The following MEMO1 variants were observed in gnomAD, a reference collection of about 807,000 sequenced individuals.
MEMO1 encodes mediator of cell motility 1.
Under a neutral mutation model 45.2 loss-of-function variants are expected in MEMO1, and 6 were observed. The observed-to-expected ratio is 0.13, with a 90% confidence interval of 0.07 to 0.26. MEMO1 has a LOEUF of 0.26. Ranked by LOEUF, MEMO1 falls within the 10% of genes least tolerant of loss-of-function variation. MEMO1 has a pLI of 1.00. For missense variants in MEMO1, 184 were observed against 370.5 expected (o/e 0.50, Z 4.13); for synonymous variants, 78 against 124.3 (o/e 0.63, Z 2.48).
intron 2 of MEMO1, among the ~76,000 whole-genome samples, chr2:32,000,342 C>T (rs1036524057): frequency 6.6e-6 from 1 of 151,896 alleles, no homozygotes; most frequent in Admixed American, 6.6e-5. Context: ...CCACTCTTCT[C>T]GCCGCAGCCT....
chr2:31,870,704 G>A (rs1429499066), intron 8 of MEMO1, among the ~76,000 whole-genome samples: 2 of 152,108 alleles, frequency 1.3e-5, no homozygotes, highest in Non-Finnish European at 2.9e-5. Flanking sequence ...AGCCTCCTGA[G>A]TAACTGGGAT....
chr2:31,938,215 A>G (rs888929309), intron 3 of MEMO1, among the ~76,000 whole-genome samples: 4 of 152,184 alleles, frequency 2.6e-5, no homozygotes, highest in African/African-American at 7.2e-5. Context: ...ATCTATATCA[A>G]TATAAAAATG....
chr2:31,895,191 C>T (rs1449457029), intron 6 of MEMO1, among the ~76,000 whole-genome samples: 2 of 152,120 alleles, frequency 1.3e-5, no homozygotes, highest in African/African-American at 4.8e-5. Context: ...TAACATACTA[C>T]ACAAAATGTC....
chr2:31,957,153 AAAAAAAG>A (rs1377780228), intron 2 of MEMO1, among the ~76,000 whole-genome samples: 2 of 152,096 alleles, frequency 1.3e-5, no homozygotes, highest in Non-Finnish European at 2.9e-5. Flanking sequence ...AAAAAAAAAA[AAAAAAAG>A]AAATGTGTAA....
chr2:31,878,960 T>G (rs1392923910), intron 8 of MEMO1, among the ~76,000 whole-genome samples: 1 of 152,184 alleles, frequency 6.6e-6, no homozygotes, highest in Admixed American at 6.5e-5. Context: ...GATATAATCT[T>G]AAGTCAAATC....
At chr2:31,993,443 A>T (rs548165712) in intron 2 of MEMO1, among the ~76,000 whole-genome samples, 1 of 152,348 alleles carries the variant, frequency 6.6e-6, no homozygotes, top group South Asian at 2.1e-4. Context: ...TTCTGCCAGA[A>T]GACAACTTAT....
In MEMO1 at chr2:31,946,351, A is replaced by C. The variant is rs530565431; in HGVS notation, c.62-2968T>G. Among the ~76,000 whole-genome samples the C allele has an allele frequency of 7.2e-4, 110 of 152,328 alleles. 1 individual carries two copies. In the South Asian group the frequency reaches 9.9e-3, roughly 14 times the overall value. On this transcript the variant is annotated intron_variant, in intron 2 of 9. Transcript: ENST00000404530. ...TGCTACACATAAACAGGTCAAGTTT[A>C]AAATGGACAGTAAATTTGTAAATTC...
At chr2:31,903,289 C>T (rs917924371) in intron 6 of MEMO1, among the ~76,000 whole-genome samples, 3 of 152,026 alleles carry the variant, frequency 2.0e-5, no homozygotes, top group Non-Finnish European at 4.4e-5. Context: ...ACTGTAACAA[C>T]AACTACAGTT....
intron 3 of MEMO1, among the ~76,000 whole-genome samples, chr2:31,932,464 A>C (rs1250886925): frequency 6.6e-6 from 1 of 151,076 alleles, no homozygotes; most frequent in Non-Finnish European, 1.5e-5. Context: ...TTTGAGACAG[A>C]GTCTCACTTT....
chr2:31,923,340 T>C (rs1682613132), intron 4 of MEMO1, among the ~76,000 whole-genome samples: 1 of 152,164 alleles, frequency 6.6e-6, no homozygotes, highest in Admixed American at 6.6e-5. Context: ...TTAATTTAAG[T>C]TCCTTATAGA....
chr2:31,958,104 G>A (rs1404127998), intron 2 of MEMO1, among the ~76,000 whole-genome samples: 4 of 152,064 alleles, frequency 2.6e-5, no homozygotes, highest in South Asian at 4.1e-4. Context: ...ATAAAAAAAG[G>A]TAATCAGATA....
At chr2:31,900,765 T>C (rs940524598) in intron 6 of MEMO1, among the ~76,000 whole-genome samples, 1 of 152,060 alleles carries the variant, frequency 6.6e-6, no homozygotes, top group Non-Finnish European at 1.5e-5. Context: ...ACTAAATGTC[T>C]ATCAGAATGG....
chr2:31,994,224 G>C (rs898051014), intron 2 of MEMO1, among the ~76,000 whole-genome samples: 8 of 150,214 alleles, frequency 5.3e-5, no homozygotes, highest in African/African-American at 2.0e-4. Flanking sequence ...CCCTCCCAAA[G>C]TACTGGAATT....
chr2:31,929,177 CA>C (rs1299613426), intron 4 of MEMO1, among the ~76,000 whole-genome samples: 1 of 151,766 alleles, frequency 6.6e-6, no homozygotes, highest in African/African-American at 2.4e-5. Context: ...TTTTTATTTC[CA>C]TTTTTTTGAA....
chr2:31,902,204 G>T (rs1028705493), intron 6 of MEMO1, among the ~76,000 whole-genome samples: 2 of 151,876 alleles, frequency 1.3e-5, no homozygotes, highest in African/African-American at 4.8e-5. Flanking sequence ...ATCACTTAAG[G>T]CCAGGAGTTA....
chr2:31,945,257 A>T (rs1299638480), intron 2 of MEMO1, among the ~76,000 whole-genome samples: 1 of 152,240 alleles, frequency 6.6e-6, no homozygotes, highest in Non-Finnish European at 1.5e-5. Flanking sequence ...ATACGAATAT[A>T]GCAAAATTTA....
At chr2:31,908,231 C>T (rs1680046388) in intron 6 of MEMO1, among the ~76,000 whole-genome samples, 1 of 152,090 alleles carries the variant, frequency 6.6e-6, no homozygotes, top group Non-Finnish European at 1.5e-5. Flanking sequence ...TAACTCCAGT[C>T]CTACCCACAC....
intron 2 of MEMO1, among the ~76,000 whole-genome samples, chr2:31,969,586 G>GTGGGT (rs1669090004): frequency 8.4e-6 from 1 of 119,228 alleles, no homozygotes; most frequent in Non-Finnish European, 1.8e-5. Flanking sequence ...TGTGTGTGTG[G>GTGGGT]GTGTGTGTGT....
intron 2 of MEMO1, among the ~76,000 whole-genome samples, chr2:32,008,498 C>T (rs1674380127): frequency 6.6e-6 from 1 of 152,118 alleles, no homozygotes; most frequent in African/African-American, 2.4e-5. Context: ...GCAGGAGAAT[C>T]GCTTGAACCC....
Sources: allele counts gnomAD v4.1 joint callset (sites outside exome capture counted in the v4.1 genomes callset), GRCh38; gene constraint gnomAD v4.1.1; transcripts MANE v1.5; gene names NCBI Gene and HGNC (gene_info 2026-07-23, HGNC 2026-07-21).